Variants in HCN1 observed in about 807,000 individuals in gnomAD.
The protein encoded by HCN1 is potassium/sodium hyperpolarization-activated cyclic nucleotide-gated channel 1.
HCN1 carries 13 observed loss-of-function variants against 78.9 expected under a neutral mutation model. The ratio of observed to expected loss-of-function variants is 0.16; its 90% CI spans 0.11 to 0.26. The LOEUF is 0.26. Among genes scored for constraint, HCN1 ranks in the 10% least tolerant of loss-of-function variants. The pLI is 1.00. For synonymous variants in HCN1, 552 were observed against 455.5 expected, an observed-to-expected ratio of 1.21 and a Z score of -2.70; for missense variants, 810 against 1,154.3, an observed-to-expected ratio of 0.70 and a Z score of 4.32.
rs190054547 is a variant in HCN1 at position 45,588,556 on chromosome 5, C to T, written c.849+56629G>A. Among the ~76,000 whole-genome samples the T allele has an allele frequency of 4.9e-3, 749 of 152,182 alleles. 3 individuals carry two copies. The highest frequency in any genetic ancestry group is 7.9e-3 in the Non-Finnish European group (537 of 67,984). ...ATTCCTGACCCCCTCCTCTAAATGCCGACACCCTACTCACCTCCTGCCCCA... is the reference window on the plus strand; with the variant it reads ...ATTCCTGACCCCCTCCTCTAAATGCTGACACCCTACTCACCTCCTGCCCCA... On this transcript the variant is annotated intron_variant, in intron 2 of 7. Coordinates refer to ENST00000303230, the MANE Select transcript of HCN1 (RefSeq NM_021072.4).
At chr5:45,554,435 G>T (rs903339943) in intron 2 of HCN1, among the ~76,000 whole-genome samples, 1 of 151,574 alleles carries the variant, frequency 6.6e-6, no homozygotes, top group South Asian at 2.1e-4. Flanking sequence ...TACACTTAAT[G>T]AAAAAATAAA....
At chr5:45,659,839 G>C (rs1483112663) in intron 1 of HCN1, among the ~76,000 whole-genome samples, 4 of 119,870 alleles carry the variant, frequency 3.3e-5, no homozygotes, top group Admixed American at 8.6e-5. Flanking sequence ...TGGTGTACCT[G>C]AAAGTGATGT....
At chr5:45,424,029 A>G (rs1357531214) in intron 3 of HCN1, among the ~76,000 whole-genome samples, 1 of 149,924 alleles carries the variant, frequency 6.7e-6, no homozygotes, top group Non-Finnish European at 1.5e-5. Context: ...TAATCCCAGC[A>G]CTTTGGGAGG....
intron 4 of HCN1, among the ~76,000 whole-genome samples, chr5:45,373,092 A>T (rs1435764168): frequency 7.5e-6 from 1 of 134,022 alleles, no homozygotes; most frequent in East Asian, 2.2e-4. Flanking sequence ...ATAAAAATAT[A>T]ATATATATAA....
intron 1 of HCN1, among the ~76,000 whole-genome samples, chr5:45,674,420 G>C (rs1746223386): frequency 6.6e-6 from 1 of 151,544 alleles, no homozygotes; most frequent in South Asian, 2.1e-4. Context: ...ATCTTATACA[G>C]ATCTTCTATC....
At chr5:45,320,910 C>T (rs1359509572) in intron 5 of HCN1, among the ~76,000 whole-genome samples, 4 of 151,922 alleles carry the variant, frequency 2.6e-5, no homozygotes, top group South Asian at 4.1e-4. Flanking sequence ...AACATCTCTA[C>T]TTTCTACAAT....
chr5:45,271,929 G>T (rs1744969041), intron 6 of HCN1, among the ~76,000 whole-genome samples: 1 of 152,014 alleles, frequency 6.6e-6, no homozygotes, highest in Non-Finnish European at 1.5e-5. Flanking sequence ...TAATTTCTTA[G>T]TGAGAAAAAG....
At chr5:45,544,775 G>T (rs1474014415) in intron 2 of HCN1, among the ~76,000 whole-genome samples, 2 of 152,086 alleles carry the variant, frequency 1.3e-5, no homozygotes, top group Non-Finnish European at 2.9e-5. Flanking sequence ...CAAAGGACAT[G>T]AACTCATCCT....
chr5:45,440,052 C>T (rs1579895914), intron 3 of HCN1, among the ~76,000 whole-genome samples: 1 of 148,748 alleles, frequency 6.7e-6, no homozygotes, highest in East Asian at 1.9e-4. Context: ...TATTATATAA[C>T]ATATATAGAT....
At chr5:45,415,345 A>T (rs531253438) in intron 3 of HCN1, among the ~76,000 whole-genome samples, 1 of 152,130 alleles carries the variant, frequency 6.6e-6, no homozygotes, top group South Asian at 2.1e-4. Flanking sequence ...TCCCATGCTT[A>T]AAGTTTCCTC....
In HCN1 at chr5:45,259,020, T is replaced by A. The variant is rs910471745; in HGVS notation, c.*2901A>T. ...AAAAGGCACAGAGCAAAAAAGAAAA[T>A]AAGCTCATATTTTACTATACGAAAA... On this transcript the variant is annotated 3_prime_UTR_variant, in exon 8 of 8. Transcript: ENST00000303230. The A allele has an allele frequency of 4.0e-5, 6 of 151,720 alleles. No homozygotes were observed. The highest frequency in any genetic ancestry group is 8.8e-5 in the Non-Finnish European group (6 of 67,830). The allele number at this position is 151,720 out of a possible 1,614,324, so 9.4% of individuals were successfully genotyped here. A position where few individuals can be genotyped will look rare whatever the true frequency, so the allele number is the denominator to read the frequency against.
At chr5:45,303,947 T>A in intron 5 of HCN1, 108 bp from the exon 6 acceptor site, 1 of 1,018,334 alleles carries the variant, frequency 9.8e-7, no homozygotes, top group South Asian at 1.4e-5. Flanking sequence ...AATTTAAATT[T>A]AGATACAAAA....
chr5:45,326,494 T>A (rs941200269), intron 5 of HCN1, among the ~76,000 whole-genome samples: 1 of 151,538 alleles, frequency 6.6e-6, no homozygotes, highest in South Asian at 2.1e-4. Flanking sequence ...TTAAGAAAAA[T>A]AGGCAGGAAG....
intron 3 of HCN1, among the ~76,000 whole-genome samples, chr5:45,448,879 C>T (rs546712149): frequency 7.2e-5 from 11 of 152,164 alleles, no homozygotes; most frequent in South Asian, 2.1e-4. Context: ...TTTGAGAGGC[C>T]GAGGCCAATG....
intron 4 of HCN1, among the ~76,000 whole-genome samples, chr5:45,372,890 A>C (rs1036217954): frequency 7.0e-6 from 1 of 143,538 alleles, no homozygotes; most frequent in East Asian, 2.1e-4. Context: ...TATACACAAA[A>C]ATATGTACGT....
At chr5:45,339,531 G>A (rs1450224547) in intron 5 of HCN1, among the ~76,000 whole-genome samples, 1 of 152,182 alleles carries the variant, frequency 6.6e-6, no homozygotes, top group Non-Finnish European at 1.5e-5. Flanking sequence ...AAGAGCCTCT[G>A]TGTCATATGA....
chr5:45,605,248 T>G (rs182633738), intron 2 of HCN1, among the ~76,000 whole-genome samples: 2 of 152,030 alleles, frequency 1.3e-5, no homozygotes, highest in African/African-American at 4.8e-5. Flanking sequence ...CAACTTAATA[T>G]GTAATTTTAA....
intron 6 of HCN1, among the ~76,000 whole-genome samples, chr5:45,281,882 G>T (rs114661680): frequency 1.0e-3 from 155 of 151,906 alleles, no homozygotes; most frequent in African/African-American, 3.7e-3. Flanking sequence ...GAGCCACTGA[G>T]CCCTGCCAAG....
At chr5:45,319,268 C>G (rs1373924458) in intron 5 of HCN1, among the ~76,000 whole-genome samples, 1 of 151,812 alleles carries the variant, frequency 6.6e-6, no homozygotes, top group Non-Finnish European at 1.5e-5. Flanking sequence ...CAGTTGCTGC[C>G]AAAAGTTTTC....
Sources: allele counts gnomAD v4.1 joint callset (sites outside exome capture counted in the v4.1 genomes callset), GRCh38; gene constraint gnomAD v4.1.1; transcripts MANE v1.5; gene names NCBI Gene and HGNC (gene_info 2026-07-23, HGNC 2026-07-21).